LONRF2: variants seen among roughly 807,000 people sequenced by gnomAD.
LONRF2 encodes LON peptidase N-terminal domain and ring finger 2.
A neutral mutation model predicts 66.6 loss-of-function variants in LONRF2; 35 were observed. That is an observed-to-expected ratio of 0.53 (90% confidence interval 0.40 to 0.70). The LOEUF (loss-of-function observed/expected upper bound fraction) is 0.70, where lower values mean the gene tolerates loss of function less well. Among genes scored for constraint, LONRF2 ranks in the 30% least tolerant of loss-of-function variants. LONRF2 has a pLI of 0.00. For missense variants in LONRF2, 902 were observed against 1,002.1 expected, an observed-to-expected ratio of 0.90 and a Z score of 1.35; for synonymous variants, 417 against 418.1, an observed-to-expected ratio of 1.00 and a Z score of 0.03.
intron 1 of LONRF2, among the ~76,000 whole-genome samples, chr2:100,318,406 CA>C (rs1354719472): frequency 2.6e-5 from 4 of 152,120 alleles, no homozygotes; most frequent in African/African-American, 9.7e-5. Flanking sequence ...ACTTATCGGC[CA>C]AAAGTAGTCA....
In LONRF2 at chr2:100,321,940, C is replaced by A; in HGVS notation, c.154G>T (p.Gly52Trp). Reference protein sequence around the residue: ...AAELFRSMLAGLAQPDRGLCL... With the variant: ...AAELFRSMLAWLAQPDRGLCL... ...AGGCCGCGGTCCGGCTGCGCCAGCCCGGCTAGCATGGAGCGAAAGAGCTCG... is the reference window on the plus strand; with the variant it reads ...AGGCCGCGGTCCGGCTGCGCCAGCCAGGCTAGCATGGAGCGAAAGAGCTCG... Residue 52 changes from glycine to tryptophan, a missense_variant, in exon 1 of 12, where the codon GGG (glycine) becomes TGG (tryptophan). By Grantham distance (184) the Gly-to-Trp change is radical. Around this residue, in one of 2 missense-constraint regions of LONRF2, gnomAD observed 585 missense variants for 569.9 expected, o/e 1.03. Coordinates refer to ENST00000393437, the MANE Select transcript of LONRF2 (RefSeq NM_198461.4). 2 of 1,420,232 alleles carry A rather than the reference C, an allele frequency of 1.4e-6. No individual in the cohort carries two copies. Among genetic ancestry groups the A allele is most frequent in the Non-Finnish European group, 9.2e-7 (1 of 1,084,974 alleles). The allele number at this position is 1,420,232 out of a possible 1,614,324, so 88.0% of individuals were successfully genotyped here. A position where few individuals can be genotyped will look rare whatever the true frequency, so the allele number is the denominator to read the frequency against.
intron 11 of LONRF2, 71 bp from the exon 12 acceptor site, chr2:100,284,563 G>T: frequency 1.5e-6 from 2 of 1,305,002 alleles, no homozygotes; most frequent in African/African-American, 1.5e-5. Flanking sequence ...ACAGTCTTTT[G>T]CTCCACCAAC....
intron 10 of LONRF2, among the ~76,000 whole-genome samples, chr2:100,287,887 T>C (rs1371680015): frequency 2.0e-5 from 3 of 152,176 alleles, no homozygotes; most frequent in Non-Finnish European, 4.4e-5. Flanking sequence ...ATAATAGGAA[T>C]AAACCATGAA....
At chr2:100,298,982 T>C (rs1186152624) in intron 6 of LONRF2, 32 bp from the exon 7 acceptor site, 2 of 1,512,886 alleles carry the variant, frequency 1.3e-6, no homozygotes, top group Non-Finnish European at 9.2e-7. Context: ...CAGCCAGAAA[T>C]GTCCAGGACA....
At chr2:100,295,389 C>T in intron 8 of LONRF2, 43 bp downstream of exon 8, 1 of 1,573,912 alleles carries the variant, frequency 6.4e-7, no homozygotes, top group South Asian at 1.2e-5. Flanking sequence ...TGACAAAGTT[C>T]AATCTGAACT....
chr2:100,288,858 T>C (rs955587781), intron 10 of LONRF2, among the ~76,000 whole-genome samples: 2 of 152,238 alleles, frequency 1.3e-5, no homozygotes, highest in African/African-American at 2.4e-5. Flanking sequence ...GACCACAATG[T>C]GTTTACTGAC....
intron 2 of LONRF2, among the ~76,000 whole-genome samples, chr2:100,308,893 T>C (rs1292174053): frequency 6.6e-6 from 1 of 152,220 alleles, no homozygotes; most frequent in African/African-American, 2.4e-5. Context: ...TTAAGTGTAA[T>C]AGAAATTAGT....
chr2:100,295,693 G>A, intron 7 of LONRF2, 140 bp from the exon 8 acceptor site: 2 of 754,426 alleles, frequency 2.7e-6, no homozygotes, highest in East Asian at 3.0e-5. Flanking sequence ...AGAGAGGCGG[G>A]CCAGCCTGTA....
Position 100,295,421 on chromosome 2 carries a change from T to G in LONRF2, c.1598+11A>C, listed in dbSNP as rs149241269. On this transcript the variant is annotated intron_variant, in intron 8 of 11. Transcript: ENST00000393437. ...AACTTAAGACCAAGGACACACAACA[T>G]GAGCACTTACTTTGACAGTTCTGAC... 2.9e-5 allele frequency: 46 copies of G among 1,611,626 alleles called. No homozygotes were observed. In the East Asian group the frequency reaches 1.0e-3, roughly 36 times the overall value.
Position 100,322,303 on chromosome 2 carries a change from C to A in LONRF2, c.-210G>T, listed in dbSNP as rs1675657291. 2 of 375,010 alleles carry A rather than the reference C, an allele frequency of 5.3e-6. No individual in the cohort carries two copies. Among genetic ancestry groups the A allele is most frequent in the Non-Finnish European group, 8.9e-6 (2 of 224,676 alleles). 23.2% of individuals were successfully genotyped at this position (375,010 alleles called of 1,614,324 possible). On this transcript the variant is annotated 5_prime_UTR_variant, in exon 1 of 12. Coordinates refer to ENST00000393437, the MANE Select transcript of LONRF2 (RefSeq NM_198461.4). ...TCCTCAGCGCGGTGTGGGCGGCGAG[C>A]CCCGCAGGGCTGCAATCGTTCCGGG...
In LONRF2 at chr2:100,284,290, G is replaced by C. The variant is rs1364609655; in HGVS notation, c.*8C>G. 2 of 1,505,636 alleles carry C rather than the reference G, an allele frequency of 1.3e-6. No individual in the cohort carries two copies. The highest frequency in any genetic ancestry group is 2.6e-5 in the South Asian group (2 of 76,732). 93.3% of individuals were successfully genotyped at this position (1,505,636 alleles called of 1,614,324 possible). On this transcript the variant is annotated 3_prime_UTR_variant, in exon 12 of 12. Transcript: ENST00000393437. ...AAGGGCTGCCAGAAACCTTGACAGAGAGAAAAATCAATTATTTCTCTCCCT... is the reference window on the plus strand; with the variant it reads ...AAGGGCTGCCAGAAACCTTGACAGACAGAAAAATCAATTATTTCTCTCCCT...
At position 100,298,846 on chromosome 2, in the gene LONRF2, T is replaced by C. The variant is rs762000421; in HGVS notation, c.1466A>G (p.Lys489Arg). The change falls in exon 7 of 12, where the codon AAA (lysine) becomes AGA (arginine). Residue 489 changes from lysine (K) to arginine (R), a missense_variant. This residue lies in a region of LONRF2 where 317 missense variants were observed against 432.2 expected (regional missense o/e 0.73). Coordinates refer to ENST00000393437, the MANE Select transcript of LONRF2 (RefSeq NM_198461.4). Reference sequence around the variant, plus strand: ...CTAAAGTGTACTTACTTCCGAAAGTTTGTCTTTGCACAAAGGACAGTGTGG... The same window carrying C: ...CTAAAGTGTACTTACTTCCGAAAGTCTGTCTTTGCACAAAGGACAGTGTGG... ...HAPHCPLCKD[K>R]LSELLASRNF... is the part of the protein sequence containing the mutation. 1 of 1,613,684 alleles carries C rather than the reference T, an allele frequency of 6.2e-7. No individual in the cohort carries two copies. Among genetic ancestry groups the C allele is most frequent in the East Asian group, 2.2e-5 (1 of 44,880 alleles).
intron 3 of LONRF2, among the ~76,000 whole-genome samples, chr2:100,302,710 C>T (rs1675209881): frequency 6.6e-6 from 1 of 152,228 alleles, no homozygotes; most frequent in African/African-American, 2.4e-5. Context: ...TCTCATGAAA[C>T]ACTCTGCTTT....
In LONRF2 at chr2:100,279,611, G is replaced by A. The variant is rs1212868226; in HGVS notation, c.*4687C>T. On this transcript the variant is annotated 3_prime_UTR_variant, in exon 12 of 12. Coordinates refer to ENST00000393437, the MANE Select transcript of LONRF2 (RefSeq NM_198461.4). ...CATCTCAGGGGCCTCGCTGACCCAG[G>A]AGAAACTGCCCATCCCAGGGTGAGC... The A allele has an allele frequency of 2.0e-5, 3 of 152,104 alleles. No individual in the cohort carries two copies. Among genetic ancestry groups the A allele is most frequent in the African/African-American group, 7.2e-5 (3 of 41,410 alleles). 9.4% of individuals were successfully genotyped at this position (152,104 alleles called of 1,614,324 possible). A position where few individuals can be genotyped will look rare whatever the true frequency, so the allele number is the denominator to read the frequency against.
In LONRF2 at chr2:100,300,546, TA is replaced by T. The variant is rs1675164234; in HGVS notation, c.1065+97del. 25 of 1,205,278 alleles carry T rather than the reference TA, an allele frequency of 2.1e-5. No homozygotes were observed. The East Asian group carries it at 4.0e-4, about 19-fold the overall frequency. The allele number at this position is 1,205,278 out of a possible 1,614,324, so 74.7% of individuals were successfully genotyped here. ...TCTTGAGAAATATGTCTAACTAACATAATGCCATAATGTGTGAATAATCTGT... is the reference window on the plus strand; with the variant it reads ...TCTTGAGAAATATGTCTAACTAACATATGCCATAATGTGTGAATAATCTGT... On this transcript the variant is annotated intron_variant, in intron 4 of 11. Coordinates refer to ENST00000393437, the MANE Select transcript of LONRF2 (RefSeq NM_198461.4).
In LONRF2 at chr2:100,304,622, A is replaced by AT. The variant is rs1473387205; in HGVS notation, c.799-1580_799-1579insA. Among the ~76,000 whole-genome samples, 214 of 99,894 alleles carry AT rather than the reference A, an allele frequency of 2.1e-3. 3 individuals are homozygous for AT. The highest frequency in any genetic ancestry group is 8.4e-3 in the African/African-American group (203 of 24,106). 65.5% of individuals were successfully genotyped at this position (99,894 alleles called of 152,430 possible). On this transcript the variant is annotated intron_variant, in intron 2 of 11. Coordinates refer to ENST00000393437, the MANE Select transcript of LONRF2 (RefSeq NM_198461.4). ...GCCCACTCAGAGACAATTTTAGTTG[A>AT]CTGTTTTTTTTTTTTTTTTGAGACA... is the stretch of plus-strand genomic sequence containing the variant.
At chr2:100,302,820 A>C (rs1378395490) in intron 3 of LONRF2, 101 bp downstream of exon 3, 4 of 1,197,234 alleles carry the variant, frequency 3.3e-6, no homozygotes, top group Middle Eastern at 4.2e-4. Flanking sequence ...GAACATTCAG[A>C]ATTATATTTC....
At chr2:100,297,766 G>A (rs1018885339) in intron 7 of LONRF2, among the ~76,000 whole-genome samples, 3 of 152,180 alleles carry the variant, frequency 2.0e-5, no homozygotes, top group South Asian at 2.1e-4. Flanking sequence ...TGATGTTCAC[G>A]AGAACTCTGA....
chr2:100,311,487 T>G (rs1338477366), intron 1 of LONRF2, among the ~76,000 whole-genome samples: 1 of 152,166 alleles, frequency 6.6e-6, no homozygotes, highest in Non-Finnish European at 1.5e-5. Context: ...CAGTTTCTTA[T>G]TAGTCCAATC....
Sources: allele counts gnomAD v4.1 joint callset (sites outside exome capture counted in the v4.1 genomes callset), GRCh38; gene constraint gnomAD v4.1.1; regional missense constraint gnomAD v4.1.1; transcripts MANE v1.5; gene names NCBI Gene and HGNC (gene_info 2026-07-23, HGNC 2026-07-21).